Variants in NAALADL2 observed in about 807,000 individuals in gnomAD.
The protein encoded by NAALADL2 is N-acetylated alpha-linked acidic dipeptidase like 2, also known as inactive N-acetylated-alpha-linked acidic dipeptidase-like protein 2.
In NAALADL2, 76 loss-of-function variants were observed where a neutral mutation model predicts 87.2. The ratio of observed to expected loss-of-function variants is 0.87; its 90% CI spans 0.72 to 1.05. NAALADL2 has a LOEUF of 1.05. Among genes scored for constraint, NAALADL2 ranks in the 50% least tolerant of loss-of-function variants. NAALADL2 has a pLI of 0.00. For missense variants in NAALADL2, 1,089 were observed against 945.8 expected (o/e 1.15, Z -1.99); for synonymous variants, 354 against 331.0 (o/e 1.07, Z -0.75).
At chr3:174,676,944 A>G (rs147873116) in intron 2 of NAALADL2, among the ~76,000 whole-genome samples, 41 of 152,102 alleles carry the variant, frequency 2.7e-4, no homozygotes, top group African/African-American at 9.1e-4. Flanking sequence ...CCTGGTATAT[A>G]TAATTATATT....
chr3:175,061,728 A>AATATATAT (rs149495848), intron 1 of NAALADL2, among the ~76,000 whole-genome samples: 9,217 of 141,302 alleles, frequency 0.065, 354 homozygotes, highest in Admixed American at 0.13. Context: ...CACTTGCACA[A>AATATATAT]ATATATATAT....
chr3:175,177,733 T>C (rs1471269592), intron 2 of NAALADL2, among the ~76,000 whole-genome samples: 1 of 152,116 alleles, frequency 6.6e-6, no homozygotes, highest in Non-Finnish European at 1.5e-5. Flanking sequence ...AATATTTTCA[T>C]GTATGCACGT....
chr3:175,359,075 G>A (rs1010884797), intron 5 of NAALADL2, among the ~76,000 whole-genome samples: 1 of 151,960 alleles, frequency 6.6e-6, no homozygotes. Context: ...TAAAAATGTA[G>A]ATTTAATTCC....
intron 13 of NAALADL2, among the ~76,000 whole-genome samples, chr3:175,776,542 A>T (rs1186517857): frequency 2.0e-5 from 3 of 152,118 alleles, no homozygotes; most frequent in Non-Finnish European, 4.4e-5. Flanking sequence ...TCTGTCTTCA[A>T]CTGCTTAATT....
At chr3:175,158,764 T>A (rs1170031434) in intron 2 of NAALADL2, among the ~76,000 whole-genome samples, 1 of 151,818 alleles carries the variant, frequency 6.6e-6, no homozygotes, top group Non-Finnish European at 1.5e-5. Flanking sequence ...TAATTGAAAA[T>A]TAGAAAAAAT....
At chr3:174,733,445 A>G (rs1732896301) in intron 2 of NAALADL2, among the ~76,000 whole-genome samples, 1 of 152,246 alleles carries the variant, frequency 6.6e-6, no homozygotes, top group African/African-American at 2.4e-5. Context: ...ATATGGTTTG[A>G]TTTTTAATCA....
intron 1 of NAALADL2, among the ~76,000 whole-genome samples, chr3:174,974,420 G>A (rs1744095915): frequency 6.6e-6 from 1 of 152,178 alleles, no homozygotes; most frequent in Non-Finnish European, 1.5e-5. Flanking sequence ...CTTATTTGCT[G>A]TGGAACTTAG....
At chr3:174,791,514 T>G (rs1707747795) in intron 3 of NAALADL2, among the ~76,000 whole-genome samples, 1 of 152,188 alleles carries the variant, frequency 6.6e-6, no homozygotes, top group Non-Finnish European at 1.5e-5. Context: ...CCTCTGGAAC[T>G]GTGAGAAATA....
intron 4 of NAALADL2, among the ~76,000 whole-genome samples, chr3:175,296,020 G>C (rs1382197532): frequency 2.2e-5 from 1 of 44,696 alleles, no homozygotes; most frequent in Non-Finnish European, 7.7e-5. Flanking sequence ...AGTGGGTTTT[G>C]ATAATTTCCA....
intron 2 of NAALADL2, among the ~76,000 whole-genome samples, chr3:174,708,153 A>G (rs1730275084): frequency 6.6e-6 from 1 of 152,094 alleles, no homozygotes; most frequent in Admixed American, 6.5e-5. Flanking sequence ...GTATGGTTTG[A>G]CTCATGTTAT....
At chr3:175,216,205 T>C (rs1009364479) in intron 2 of NAALADL2, among the ~76,000 whole-genome samples, 19 of 152,274 alleles carry the variant, frequency 1.2e-4, no homozygotes, top group South Asian at 2.1e-4. Context: ...CAATTTTGAA[T>C]ATTATGTACC....
At chr3:175,061,603 C>T (rs1406200284) in intron 1 of NAALADL2, among the ~76,000 whole-genome samples, 1 of 151,746 alleles carries the variant, frequency 6.6e-6, no homozygotes, top group Non-Finnish European at 1.5e-5. Context: ...ATAGCAGTGT[C>T]CAAATTTGAA....
intron 3 of NAALADL2, among the ~76,000 whole-genome samples, chr3:174,826,755 AAAAT>A (rs1470070400): frequency 1.3e-5 from 2 of 152,242 alleles, no homozygotes; most frequent in East Asian, 1.9e-4. Flanking sequence ...TTAGAAAAGA[AAAAT>A]AAATCATTTT....
At chr3:175,643,334 G>A (rs1246663089) in intron 11 of NAALADL2, among the ~76,000 whole-genome samples, 1 of 152,070 alleles carries the variant, frequency 6.6e-6, no homozygotes, top group Non-Finnish European at 1.5e-5. Flanking sequence ...CATGTCCCTG[G>A]TACAAAAGTT....
At chr3:175,528,697 T>G (rs918385501) in intron 9 of NAALADL2, among the ~76,000 whole-genome samples, 2 of 152,152 alleles carry the variant, frequency 1.3e-5, no homozygotes, top group African/African-American at 4.8e-5. Context: ...TTTGCACAAC[T>G]GAAAATGCAC....
chr3:175,515,897 G>A (rs1401167459), intron 9 of NAALADL2, among the ~76,000 whole-genome samples: 1 of 152,218 alleles, frequency 6.6e-6, no homozygotes, highest in Non-Finnish European at 1.5e-5. Flanking sequence ...GATGAAATGT[G>A]TTTGGTTGCT....
chr3:175,520,465 A>AT (rs1400568614), intron 9 of NAALADL2, among the ~76,000 whole-genome samples: 1 of 151,124 alleles, frequency 6.6e-6, no homozygotes, highest in Non-Finnish European at 1.5e-5. Flanking sequence ...CGCCCGGCTA[A>AT]TTTTTTGTAT....
intron 8 of NAALADL2, among the ~76,000 whole-genome samples, chr3:175,470,498 GA>G (rs1263130862): frequency 4.6e-5 from 7 of 151,786 alleles, no homozygotes; most frequent in African/African-American, 1.2e-4. Context: ...AATTTACAAT[GA>G]AAAAAATAAA....
intron 11 of NAALADL2, among the ~76,000 whole-genome samples, chr3:175,725,733 G>A (rs1207951956): frequency 3.9e-5 from 6 of 152,196 alleles, no homozygotes; most frequent in African/African-American, 1.4e-4. Flanking sequence ...TACTAGCTAC[G>A]TGGACCTTGG....
Sources: allele counts gnomAD v4.1 joint callset (sites outside exome capture counted in the v4.1 genomes callset), GRCh38; gene constraint gnomAD v4.1.1; transcripts MANE v1.5; gene names NCBI Gene and HGNC (gene_info 2026-07-23, HGNC 2026-07-21).